DYM: variants seen among roughly 807,000 people sequenced by gnomAD.
The protein encoded by DYM is dyggve-Melchior-Clausen syndrome protein.
A neutral mutation model predicts 93.1 loss-of-function variants in DYM; 78 were observed. The observed-to-expected ratio is 0.84, with a 90% CI of 0.70 to 1.01. The LOEUF (loss-of-function observed/expected upper bound fraction) is 1.01, where lower values mean the gene tolerates loss of function less well. DYM is among the 50% of genes least tolerant of loss of function. DYM has a pLI of 0.00. For missense variants in DYM, 789 were observed against 845.0 expected (o/e 0.93, Z 0.82); for synonymous variants, 321 against 319.7 (o/e 1.00, Z -0.04).
chr18:49,453,290 G>A (rs1280580120), intron 1 of DYM, among the ~76,000 whole-genome samples: 1 of 152,120 alleles, frequency 6.6e-6, no homozygotes, highest in Non-Finnish European at 1.5e-5. Flanking sequence ...GGTGGGGCCA[G>A]ATAAGGGAAT....
intron 3 of DYM, among the ~76,000 whole-genome samples, chr18:49,387,685 C>T (rs1161595838): frequency 6.6e-6 from 1 of 152,132 alleles, no homozygotes; most frequent in Non-Finnish European, 1.5e-5. Context: ...AAGATACATA[C>T]ATTTAACACG....
chr18:49,319,924 T>C (rs1479446519), intron 8 of DYM, among the ~76,000 whole-genome samples: 3 of 152,178 alleles, frequency 2.0e-5, no homozygotes, highest in African/African-American at 7.2e-5. Context: ...TCTCCACCAC[T>C]TGTCCAATTG....
intron 17 of DYM, among the ~76,000 whole-genome samples, chr18:49,096,960 G>A (rs2079599695): frequency 6.6e-6 from 1 of 152,112 alleles, no homozygotes; most frequent in Non-Finnish European, 1.5e-5. Flanking sequence ...GAAAAATTAG[G>A]ATGATACCAC....
chr18:49,424,679 A>G (rs918924958), intron 2 of DYM, among the ~76,000 whole-genome samples: 7 of 152,210 alleles, frequency 4.6e-5, no homozygotes, highest in Admixed American at 1.3e-4. Context: ...TAAGCTGATA[A>G]GCAACTTCAG....
intron 16 of DYM, among the ~76,000 whole-genome samples, chr18:49,099,901 C>G (rs1302547209): frequency 1.3e-5 from 2 of 152,148 alleles, no homozygotes; most frequent in African/African-American, 4.8e-5. Context: ...CCAGCTCTGC[C>G]ATTATCTTTT....
At chr18:49,292,621 A>AAAC (rs2060232364) in intron 8 of DYM, among the ~76,000 whole-genome samples, 1 of 114,528 alleles carries the variant, frequency 8.7e-6, no homozygotes, top group East Asian at 2.3e-4. Flanking sequence ...AAAAAAAAAA[A>AAAC]AAAACCCCCA....
At chr18:49,364,340 G>C (rs1315630878) in intron 5 of DYM, among the ~76,000 whole-genome samples, 3 of 152,070 alleles carry the variant, frequency 2.0e-5, no homozygotes, top group African/African-American at 7.3e-5. Flanking sequence ...AGCTACTCAG[G>C]AGGCAGAGAC....
chr18:49,071,328 C>T (rs2076871013), intron 17 of DYM, among the ~76,000 whole-genome samples: 1 of 152,158 alleles, frequency 6.6e-6, no homozygotes, highest in Non-Finnish European at 1.5e-5. Context: ...TTTTGCAGTA[C>T]ACATGTTAAA....
intron 8 of DYM, among the ~76,000 whole-genome samples, chr18:49,292,312 A>AGGCAGG (rs1568187151): frequency 3.2e-4 from 35 of 110,974 alleles, no homozygotes; most frequent in African/African-American, 1.1e-3. Context: ...AGACAGACAG[A>AGGCAGG]CAGGCAGGCA....
chr18:49,105,662 T>G (rs2080718749), intron 16 of DYM, among the ~76,000 whole-genome samples: 1 of 152,256 alleles, frequency 6.6e-6, no homozygotes, highest in Non-Finnish European at 1.5e-5. Flanking sequence ...CATTTCGTTA[T>G]GTATCCAGTA....
chr18:49,440,544 ATATT>A (rs1344649109), intron 1 of DYM, among the ~76,000 whole-genome samples: 4 of 5,432 alleles, frequency 7.4e-4, no homozygotes, highest in African/African-American at 9.1e-4. Flanking sequence ...TATATATTAT[ATATT>A]TATATAATAT....
chr18:49,222,410 A>T (rs962820664), intron 13 of DYM, among the ~76,000 whole-genome samples: 1 of 152,182 alleles, frequency 6.6e-6, no homozygotes, highest in Non-Finnish European at 1.5e-5. Flanking sequence ...GGTCCGAGAC[A>T]AGAAATGTAT....
chr18:49,084,192 A>G (rs1278904595), intron 17 of DYM, among the ~76,000 whole-genome samples: 1 of 152,198 alleles, frequency 6.6e-6, no homozygotes, highest in Non-Finnish European at 1.5e-5. Context: ...ATTTTCATTT[A>G]GTTCAAACTG....
chr18:49,056,682 C>A (rs929293339), intron 17 of DYM, among the ~76,000 whole-genome samples: 1 of 151,380 alleles, frequency 6.6e-6, no homozygotes, highest in Admixed American at 6.6e-5. Flanking sequence ...GGACTACAGG[C>A]GCATGCCACC....
intron 17 of DYM, among the ~76,000 whole-genome samples, chr18:49,088,256 C>T (rs573955913): frequency 6.2e-4 from 95 of 152,160 alleles, no homozygotes; most frequent in African/African-American, 2.0e-3. Flanking sequence ...AGGTCTAACA[C>T]CTAAGTCTTT....
chr18:49,061,956 C>G (rs1267203794), intron 17 of DYM, among the ~76,000 whole-genome samples: 1 of 152,176 alleles, frequency 6.6e-6, no homozygotes, highest in Non-Finnish European at 1.5e-5. Context: ...CCTAATAAGT[C>G]TTTATTTTTC....
At chr18:49,314,980 C>T (rs1043811944) in intron 8 of DYM, among the ~76,000 whole-genome samples, 43 of 152,100 alleles carry the variant, frequency 2.8e-4, no homozygotes, top group African/African-American at 1.0e-3. Context: ...TTTGGGAGGC[C>T]GAGGCAGGTG....
chr18:49,097,586 C>G, intron 16 of DYM, 71 bp from the exon 17 acceptor site: 1 of 1,264,322 alleles, frequency 7.9e-7, no homozygotes, highest in Non-Finnish European at 1.1e-6. Context: ...GCCTTTCTCA[C>G]ATGGTAGTCA....
In DYM at chr18:49,282,161, G is replaced by T; in HGVS notation, c.961C>A (p.Pro321Thr). 1 of 1,613,704 alleles carries T rather than the reference G, an allele frequency of 6.2e-7. No individual in the cohort carries two copies. The highest frequency in any genetic ancestry group is 8.5e-7 in the Non-Finnish European group (1 of 1,179,796). Residue 321 changes from proline to threonine, a missense_variant, in exon 10 of 18, where the codon CCC becomes ACC. Physicochemically the swap from Pro to Thr is conservative, Grantham distance 38. Coordinates refer to ENST00000675505, the MANE Select transcript of DYM (RefSeq NM_001353214.3). Reference protein sequence around the residue: ...FKNTQDSSPFPSSIPHAFQIN... With the variant: ...FKNTQDSSPFTSSIPHAFQIN... ...TGGAAGGCATGTGGAATTGATGAGG[G>T]GAAAGGACTGCTATCTGGAATACAG...
Sources: allele counts gnomAD v4.1 joint callset (sites outside exome capture counted in the v4.1 genomes callset), GRCh38; gene constraint gnomAD v4.1.1; transcripts MANE v1.5; gene names NCBI Gene and HGNC (gene_info 2026-07-23, HGNC 2026-07-21).